Variants in MAPK10 observed in about 807,000 individuals in gnomAD.
MAPK10 encodes mitogen-activated protein kinase 10.
MAPK10 carries 25 observed loss-of-function variants against 59.3 expected under a neutral mutation model. The ratio of observed to expected loss-of-function variants is 0.42; its 90% CI spans 0.31 to 0.59. The LOEUF (loss-of-function observed/expected upper bound fraction) is 0.59, where lower values mean the gene tolerates loss of function less well. Ranked by LOEUF, MAPK10 falls within the 20% of genes least tolerant of loss-of-function variation. The pLI is 0.15. For synonymous variants in MAPK10, 190 were observed against 200.5 expected (o/e 0.95, Z 0.44); for missense variants, 351 against 568.9 (o/e 0.62, Z 3.90).
At chr4:86,513,045 A>C (rs1756399772) in intron 1 of MAPK10, among the ~76,000 whole-genome samples, 2 of 152,144 alleles carry the variant, frequency 1.3e-5, no homozygotes, top group Non-Finnish European at 1.5e-5. Flanking sequence ...GACAGAACCT[A>C]TCCTAGAACA....
At chr4:86,416,544 C>T (rs1275309259) in intron 1 of MAPK10, among the ~76,000 whole-genome samples, 5 of 152,194 alleles carry the variant, frequency 3.3e-5, no homozygotes, top group Non-Finnish European at 7.4e-5. Flanking sequence ...TCATCTGTCC[C>T]AGAATTCCTT....
Position 86,017,979 on chromosome 4 carries a change from C to A in MAPK10, c.1253-609G>T, listed in dbSNP as rs1744227957. On this transcript the variant is annotated intron_variant, in intron 13 of 13. Transcript: ENST00000641462. This position sits in a 1 kb window ranked among gnomAD's most constrained non-coding sequence, Gnocchi z 4.4. ...CTCATGATCCGCCCACCTCTGCCTC[C>A]CAAAGTGCTGGGATTACAGGCGTGA... is the stretch of plus-strand genomic sequence containing the variant. Among the ~76,000 whole-genome samples, 1 of 152,180 alleles carries A rather than the reference C, an allele frequency of 6.6e-6. No homozygotes were observed. Among genetic ancestry groups the A allele is most frequent in the African/African-American group, 2.4e-5 (1 of 41,450 alleles).
intron 1 of MAPK10, among the ~76,000 whole-genome samples, chr4:86,523,203 T>A (rs1249847694): frequency 2.6e-5 from 4 of 152,196 alleles, no homozygotes; most frequent in African/African-American, 9.6e-5. Context: ...ACTCTTTCAT[T>A]CACTTTTTTT....
intron 1 of MAPK10, among the ~76,000 whole-genome samples, chr4:86,419,983 T>C: frequency 6.6e-6 from 1 of 152,218 alleles, no homozygotes; most frequent in East Asian, 1.9e-4. Context: ...ACTCATTTGT[T>C]CAATCGCTAA....
intron 4 of MAPK10, among the ~76,000 whole-genome samples, chr4:86,131,379 T>C (rs1406886032): frequency 1.3e-5 from 2 of 152,142 alleles, no homozygotes; most frequent in African/African-American, 2.4e-5. Flanking sequence ...GAATGTGGGA[T>C]TGAACTTGAG....
At chr4:86,042,198 C>T (rs1193957094) in intron 11 of MAPK10, among the ~76,000 whole-genome samples, 2 of 152,198 alleles carry the variant, frequency 1.3e-5, no homozygotes, top group Admixed American at 6.5e-5. Flanking sequence ...CCATCATCCT[C>T]AGCAAACTAA....
At chr4:86,417,702 T>G (rs1419553288) in intron 1 of MAPK10, among the ~76,000 whole-genome samples, 1 of 152,198 alleles carries the variant, frequency 6.6e-6, no homozygotes, top group Non-Finnish European at 1.5e-5. Context: ...AGAGATCCTC[T>G]GAGAACCTAC....
At chr4:86,197,748 A>C (rs2081679497) in intron 2 of MAPK10, among the ~76,000 whole-genome samples, 2 of 152,166 alleles carry the variant, frequency 1.3e-5, no homozygotes, top group African/African-American at 4.8e-5. Context: ...GGTTTTTTAA[A>C]TTTAAGGAAG....
chr4:86,191,913 T>C (rs1036118832), intron 3 of MAPK10: 11 of 152,122 alleles, frequency 7.2e-5, no homozygotes, highest in African/African-American at 2.4e-4. Flanking sequence ...TGGTACCAAC[T>C]GTTCCTTTCC....
At chr4:86,386,269 C>T (rs1741452622) in intron 1 of MAPK10, among the ~76,000 whole-genome samples, 1 of 152,170 alleles carries the variant, frequency 6.6e-6, no homozygotes, top group Non-Finnish European at 1.5e-5. Flanking sequence ...TCTCTCTGTC[C>T]ATTTACTCAC....
chr4:86,071,830 C>T (rs2048057775), intron 9 of MAPK10, among the ~76,000 whole-genome samples: 1 of 149,430 alleles, frequency 6.7e-6, no homozygotes. Context: ...TAGTGTGATT[C>T]CTCCAGCTTT....
chr4:86,359,648 AGCC>A lies in MAPK10; in HGVS notation c.-122+7_-122+9del. ...AGGTTAGAACCCAGAACGAGCAAAG[AGCC>A]ACCTACCATTCCGTGCCTGAGAACT... On this transcript the variant is annotated splice_region_variant and intron_variant, in intron 1 of 13. Transcript: ENST00000641462. 1.0e-6 allele frequency: 1 copy of A among 984,974 alleles called. No homozygotes were observed. Among genetic ancestry groups the A allele is most frequent in the South Asian group, 4.7e-5 (1 of 21,250 alleles). 61.0% of individuals were successfully genotyped at this position (984,974 alleles called of 1,614,324 possible). A position where few individuals can be genotyped will look rare whatever the true frequency, so the allele number is the denominator to read the frequency against.
rs116036617 is a variant in MAPK10 at position 86,559,228 on chromosome 4, G to A, written c.-263+34682C>T. On this transcript the variant is annotated intron_variant, in intron 1 of 4. Transcript: ENST00000502302. ...TTTAACCAAATCCAACGGTTTTGCTGTTCTATACCCTACGTGACTAGCAAC... is the reference window on the plus strand; with the variant it reads ...TTTAACCAAATCCAACGGTTTTGCTATTCTATACCCTACGTGACTAGCAAC... Among the ~76,000 whole-genome samples the A allele has an allele frequency of 9.5e-3, 1,439 of 151,034 alleles. 7 individuals carry two copies. Among genetic ancestry groups the A allele is most frequent in the Non-Finnish European group, 0.014 (959 of 67,840 alleles).
intron 2 of MAPK10, among the ~76,000 whole-genome samples, chr4:86,313,861 T>C (rs2095719153): frequency 7.2e-5 from 11 of 152,090 alleles, no homozygotes; most frequent in Admixed American, 6.6e-4. Flanking sequence ...CCCAGATGCA[T>C]ACACAAGTAC....
At chr4:86,274,451 T>G (rs2094516656) in intron 2 of MAPK10, among the ~76,000 whole-genome samples, 1 of 151,964 alleles carries the variant, frequency 6.6e-6, no homozygotes, top group African/African-American at 2.4e-5. Context: ...TATAATCTTT[T>G]TTTTTCCTAT....
chr4:86,169,473 G>A (rs1429518963), intron 3 of MAPK10, among the ~76,000 whole-genome samples: 1 of 152,174 alleles, frequency 6.6e-6, no homozygotes, highest in Non-Finnish European at 1.5e-5. Flanking sequence ...AGCAATGGAA[G>A]ATGAAATGAA....
intron 9 of MAPK10, among the ~76,000 whole-genome samples, chr4:86,084,542 C>A (rs771352491): frequency 3.9e-5 from 6 of 151,950 alleles, no homozygotes; most frequent in Non-Finnish European, 8.8e-5. Context: ...GTAACTTAAG[C>A]AAACAAGTGA....
intron 13 of MAPK10, chr4:86,028,283 A>C (rs921560964): frequency 2.6e-5 from 4 of 152,162 alleles, no homozygotes; most frequent in Non-Finnish European, 5.9e-5. Flanking sequence ...GGAAGGGAAA[A>C]ACTTGGGATA....
At chr4:86,096,403 T>C (rs970340268) in intron 9 of MAPK10, among the ~76,000 whole-genome samples, 3 of 151,952 alleles carry the variant, frequency 2.0e-5, no homozygotes, top group Non-Finnish European at 4.4e-5. Context: ...AACTTTTTGC[T>C]TTTTTTCTCT....
Sources: gnomAD v4.1 joint callset for allele counts (sites outside exome capture counted in the v4.1 genomes callset) on GRCh38, gnomAD v4.1.1 for gene constraint, Gnocchi (gnomAD v3.1) non-coding constraint, MANE v1.5 for transcripts, NCBI Gene and HGNC (gene_info 2026-07-23, HGNC 2026-07-21) for gene names.